Variants in MALRD1 observed in about 807,000 individuals in gnomAD.
The protein encoded by MALRD1 is MAM and LDL-receptor class A domain-containing protein 1.
In MALRD1, 247 loss-of-function variants were observed where a neutral mutation model predicts 242.1. That is an observed-to-expected ratio of 1.02 (90% CI 0.92 to 1.13). The LOEUF (loss-of-function observed/expected upper bound fraction) is 1.13. Among genes scored for constraint, MALRD1 ranks in the 50% most tolerant of loss-of-function variants. MALRD1 has a pLI of 0.00. For missense variants in MALRD1, 2,989 were observed against 2,533.1 expected, an observed-to-expected ratio of 1.18 and a Z score of -3.86; for synonymous variants, 995 against 866.6, an observed-to-expected ratio of 1.15 and a Z score of -2.60.
chr10:19,537,764 C>A (rs186795412), intron 32 of MALRD1, among the ~76,000 whole-genome samples: 1 of 152,180 alleles, frequency 6.6e-6, no homozygotes, highest in East Asian at 1.9e-4. Flanking sequence ...GGCACTAATC[C>A]CATTCATGAG....
At position 19,355,842 on chromosome 10, in the gene MALRD1, AT is replaced by A. The variant is rs1259771142; in HGVS notation, c.4441+3547del. Reference sequence around the variant, plus strand: ...CTGATATTTTTAGGGAAGAACATATATTATATATATATATATTATATATGAT... The same window carrying A: ...CTGATATTTTTAGGGAAGAACATATATATATATATATATATTATATATGAT... On this transcript the variant is annotated intron_variant, in intron 26 of 39. Coordinates refer to ENST00000454679, the MANE Select transcript of MALRD1 (RefSeq NM_001142308.3). Among the ~76,000 whole-genome samples, 91 of 112,274 alleles carry A rather than the reference AT, an allele frequency of 8.1e-4. 4 individuals carry two copies. The highest frequency in any genetic ancestry group is 1.2e-3 in the Admixed American group (13 of 10,824). The allele number at this position is 112,274 out of a possible 152,430, so 73.7% of individuals were successfully genotyped here.
intron 36 of MALRD1, among the ~76,000 whole-genome samples, chr10:19,617,234 G>C (rs1035527497): frequency 6.6e-6 from 1 of 151,990 alleles, no homozygotes; most frequent in African/African-American, 2.4e-5. Context: ...TTAAAATCCA[G>C]ATGGTGAAGT....
chr10:19,469,132 T>C (rs77889224), intron 29 of MALRD1, among the ~76,000 whole-genome samples: 1 of 151,998 alleles, frequency 6.6e-6, no homozygotes, highest in South Asian at 2.1e-4. Context: ...TTCAAATTAT[T>C]CTAAGGTGAA....
chr10:19,488,252 T>G lies in MALRD1; in HGVS notation c.5030-3265T>G, dbSNP rs573542221. Among the ~76,000 whole-genome samples the G allele has an allele frequency of 2.0e-5, 3 of 152,320 alleles. No individual in the cohort carries two copies. In the South Asian group the frequency reaches 6.2e-4, roughly 32 times the overall value. ...GCCCCCTTTAGATGAAAACATTGTT[T>G]CTGAAATTATGATAACCAAGGTTTA... On this transcript the variant is annotated intron_variant, in intron 29 of 39. Coordinates refer to ENST00000454679, the MANE Select transcript of MALRD1 (RefSeq NM_001142308.3).
chr10:19,073,024 C>T (rs937207893), intron 2 of MALRD1, among the ~76,000 whole-genome samples: 2 of 151,968 alleles, frequency 1.3e-5, no homozygotes, highest in African/African-American at 4.8e-5. Context: ...AAGCAATTCT[C>T]CTGCCTCAGG....
intron 29 of MALRD1, among the ~76,000 whole-genome samples, chr10:19,476,803 C>T (rs1310547484): frequency 6.6e-6 from 1 of 152,164 alleles, no homozygotes. Flanking sequence ...ATGACATGTT[C>T]TCACACAATG....
At position 19,355,858 on chromosome 10, in the gene MALRD1, T is replaced by TATATGATATATATATA. The variant is rs57813656; in HGVS notation, c.4441+3561_4441+3562insATATGATATATATATA. Among the ~76,000 whole-genome samples the TATATGATATATATATA allele has an allele frequency of 1.2e-4, 11 of 94,946 alleles. 1 individual carries two copies. Among genetic ancestry groups the TATATGATATATATATA allele is most frequent in the African/African-American group, 4.0e-4 (11 of 27,204 alleles). The allele number at this position is 94,946 out of a possible 152,430, so 62.3% of individuals were successfully genotyped here. ...AGAACATATATTATATATATATATA[T>TATATGATATATATATA]TATATATGATATATATTAGCTAAGC... On this transcript the variant is annotated intron_variant, in intron 26 of 39. Coordinates refer to ENST00000454679, the MANE Select transcript of MALRD1 (RefSeq NM_001142308.3).
At chr10:19,261,313 T>C (rs1208776199) in intron 19 of MALRD1, among the ~76,000 whole-genome samples, 6 of 152,260 alleles carry the variant, frequency 3.9e-5, no homozygotes, top group Admixed American at 1.3e-4. Flanking sequence ...GGAGCTGTGT[T>C]TTTTTGCAAT....
intron 38 of MALRD1, among the ~76,000 whole-genome samples, chr10:19,702,407 C>A (rs1343238497): frequency 6.6e-6 from 1 of 152,138 alleles, no homozygotes; most frequent in East Asian, 1.9e-4. Flanking sequence ...TCCTGCCATC[C>A]TGTCAGGGTG....
intron 13 of MALRD1, among the ~76,000 whole-genome samples, chr10:19,172,176 CAT>C (rs1350695426): frequency 1.5e-5 from 2 of 136,380 alleles, no homozygotes; most frequent in Non-Finnish European, 3.1e-5. Context: ...TATACACATA[CAT>C]ATATATACAT....
intron 32 of MALRD1, among the ~76,000 whole-genome samples, chr10:19,560,419 G>A (rs959895336): frequency 6.6e-6 from 1 of 152,116 alleles, no homozygotes; most frequent in Non-Finnish European, 1.5e-5. Flanking sequence ...AGTGAGCCAA[G>A]TCTGCACCAC....
At chr10:19,528,246 G>T (rs772104541) in intron 31 of MALRD1, among the ~76,000 whole-genome samples, 1 of 152,134 alleles carries the variant, frequency 6.6e-6, no homozygotes, top group Non-Finnish European at 1.5e-5. Flanking sequence ...GTAATCTTTT[G>T]TACTGAAAAT....
Position 19,203,780 on chromosome 10 carries a change from TG to T in MALRD1, c.2006del (p.Gly669ValfsTer40). The T allele has an allele frequency of 6.4e-7, 1 of 1,550,636 alleles. No individual in the cohort carries two copies. Among genetic ancestry groups the T allele is most frequent in the East Asian group, 2.4e-5 (1 of 40,918 alleles). On this transcript the variant is annotated frameshift_variant, in exon 15 of 40. Transcript: ENST00000454679. LOFTEE classifies it high-confidence loss of function. ...GCTGTGATTGGTTTGAAGCAATTAG[TG>T]GTGACCATTTTGACTGGATACGGAG... The part of the protein sequence containing the change: ...NSCDWFEAIS[G>X]DHFDWIRSSQ...
intron 4 of MALRD1, among the ~76,000 whole-genome samples, chr10:19,099,011 A>G (rs1191086481): frequency 6.6e-6 from 1 of 152,192 alleles, no homozygotes; most frequent in African/African-American, 2.4e-5. Context: ...GGCCTTTCCC[A>G]CACTAATATT....
chr10:19,508,601 T>C (rs1040561221), intron 31 of MALRD1, among the ~76,000 whole-genome samples: 13 of 152,182 alleles, frequency 8.5e-5, no homozygotes, highest in African/African-American at 3.1e-4. Context: ...ATGTGTAAAT[T>C]ACGAACTGGA....
chr10:19,391,599 C>A (rs564907941), intron 28 of MALRD1, among the ~76,000 whole-genome samples: 2 of 152,142 alleles, frequency 1.3e-5, no homozygotes, highest in Admixed American at 6.5e-5. Flanking sequence ...CTTAGTTAGG[C>A]CCCCTTCTGT....
At chr10:19,369,933 T>C (rs1190960096) in intron 26 of MALRD1, among the ~76,000 whole-genome samples, 1 of 152,126 alleles carries the variant, frequency 6.6e-6, no homozygotes, top group Non-Finnish European at 1.5e-5. Flanking sequence ...TTTATTAACC[T>C]TTTTCTATAA....
At chr10:19,618,480 C>A (rs1362128870) in intron 36 of MALRD1, among the ~76,000 whole-genome samples, 1 of 152,080 alleles carries the variant, frequency 6.6e-6, no homozygotes, top group African/African-American at 2.4e-5. Flanking sequence ...TTCTCCACAA[C>A]CTTGCTAGCA....
At chr10:19,577,991 G>A (rs1417169975) in intron 33 of MALRD1, among the ~76,000 whole-genome samples, 1 of 152,086 alleles carries the variant, frequency 6.6e-6, no homozygotes, top group Non-Finnish European at 1.5e-5. Flanking sequence ...CTTGGGCTAT[G>A]AGAGGCTACA....
Sources: allele counts gnomAD v4.1 joint callset (sites outside exome capture counted in the v4.1 genomes callset), GRCh38; gene constraint gnomAD v4.1.1; transcripts MANE v1.5; gene names NCBI Gene and HGNC (gene_info 2026-07-23, HGNC 2026-07-21).